Variants in PARD6G observed in about 807,000 individuals in gnomAD.
The protein encoded by PARD6G is par-6 family cell polarity regulator gamma, also known as partitioning defective 6 homolog gamma.
A neutral mutation model predicts 10.7 loss-of-function variants in PARD6G; 7 were observed. The observed-to-expected ratio is 0.66, with a 90% confidence interval of 0.37 to 1.23. The LOEUF is 1.23. Among genes scored for constraint, PARD6G ranks in the 50% most tolerant of loss-of-function variants. The pLI, the probability that PARD6G is intolerant of heterozygous loss-of-function variation, is 0.02. For missense variants in PARD6G, 548 were observed against 571.8 expected (o/e 0.96, Z 0.42); for synonymous variants, 287 against 269.4 (o/e 1.07, Z -0.64).
At chr18:80,217,236 C>T (rs1400844617) in intron 1 of PARD6G, among the ~76,000 whole-genome samples, 2 of 152,118 alleles carry the variant, frequency 1.3e-5, no homozygotes, top group African/African-American at 4.8e-5. Context: ...AAATAAAATC[C>T]ATGACTCCAC....
chr18:80,227,776 G>A (rs1029450732), intron 1 of PARD6G, among the ~76,000 whole-genome samples: 8 of 152,118 alleles, frequency 5.3e-5, no homozygotes, highest in Non-Finnish European at 1.0e-4. Context: ...CCCTTCAGCA[G>A]AACAGACCCC....
At chr18:80,215,909 A>G (rs898449398) in intron 1 of PARD6G, among the ~76,000 whole-genome samples, 9 of 152,108 alleles carry the variant, frequency 5.9e-5, no homozygotes, top group Admixed American at 5.2e-4. Flanking sequence ...AGGGAAACAA[A>G]TAGGTTGAAA....
intron 1 of PARD6G, among the ~76,000 whole-genome samples, chr18:80,243,399 C>T (rs1519619): frequency 6.6e-6 from 1 of 152,034 alleles, no homozygotes; most frequent in Non-Finnish European, 1.5e-5. Flanking sequence ...ATCATACAGG[C>T]ACACAAAAGA....
At chr18:80,218,125 G>T (rs1160922245) in intron 1 of PARD6G, among the ~76,000 whole-genome samples, 1 of 151,984 alleles carries the variant, frequency 6.6e-6, no homozygotes, top group Admixed American at 6.6e-5. Context: ...ATTCCACCCT[G>T]GCCCCTCCAA....
chr18:80,174,560 A>C (rs2052796593), intron 2 of PARD6G, among the ~76,000 whole-genome samples: 2 of 152,188 alleles, frequency 1.3e-5, no homozygotes, highest in Admixed American at 1.3e-4. Flanking sequence ...CATTTAGTTC[A>C]CACTCAGGGG....
Position 80,202,869 on chromosome 18 carries a change from A to G in PARD6G, c.136T>C (p.Tyr46His), listed in dbSNP as rs2145281017. 1 of 1,607,560 alleles carries G rather than the reference A, an allele frequency of 6.2e-7. No individual in the cohort carries two copies. Among genetic ancestry groups the G allele is most frequent in the East Asian group, 2.3e-5 (1 of 44,430 alleles). The change falls in exon 2 of 3, where the codon TAC (tyrosine) becomes CAC (histidine). Residue 46 changes from tyrosine (Y) to histidine (H), a missense_variant. Physicochemically the swap from Tyr to His is moderately conservative, Grantham distance 83. Around this residue, in one of 2 missense-constraint regions of PARD6G, gnomAD observed 235 missense variants for 291.9 expected, o/e 0.81. Coordinates refer to ENST00000353265, the MANE Select transcript of PARD6G (RefSeq NM_032510.4). ...TGGTGGGTGTGCACAACCAGCTTGT[A>G]GAAATCTTCAAACTTCCCAGGCTTA... Reference protein sequence around the residue: ...RHKPGKFEDFYKLVVHTHHIS... With the variant: ...RHKPGKFEDFHKLVVHTHHIS...
chr18:80,194,065 G>T (rs1403231108), intron 2 of PARD6G, among the ~76,000 whole-genome samples: 1 of 152,088 alleles, frequency 6.6e-6, no homozygotes, highest in Non-Finnish European at 1.5e-5. Flanking sequence ...TTACGTTTCT[G>T]GAAAAGAAAA....
At chr18:80,243,496 G>A (rs1967510855) in intron 1 of PARD6G, among the ~76,000 whole-genome samples, 1 of 152,168 alleles carries the variant, frequency 6.6e-6, no homozygotes, top group Non-Finnish European at 1.5e-5. Flanking sequence ...GTGCTTGGCT[G>A]TGGTTTCTAA....
chr18:80,214,426 A>G (rs1967141071), intron 1 of PARD6G, among the ~76,000 whole-genome samples: 1 of 152,168 alleles, frequency 6.6e-6, no homozygotes, highest in South Asian at 2.1e-4. Flanking sequence ...AGATCACACT[A>G]CTGTACTTCA....
intron 2 of PARD6G, among the ~76,000 whole-genome samples, chr18:80,164,797 C>T (rs1387375685): frequency 6.6e-6 from 1 of 152,178 alleles, no homozygotes; most frequent in Non-Finnish European, 1.5e-5. Flanking sequence ...GAGCCTCAAA[C>T]CAGCAGGTTT....
Position 80,228,803 on chromosome 18 carries a change from T to C in PARD6G, c.72+18474A>G, listed in dbSNP as rs1967326078. Reference sequence around the variant, plus strand: ...GGTGAGAACAGTGAACAACTGCAGGTGATCAGAAACAGAGACAGATTCCCA... The same window carrying C: ...GGTGAGAACAGTGAACAACTGCAGGCGATCAGAAACAGAGACAGATTCCCA... On this transcript the variant is annotated intron_variant, in intron 1 of 2. Coordinates refer to ENST00000353265, the MANE Select transcript of PARD6G (RefSeq NM_032510.4). The surrounding 1 kb of genome is among the most constrained non-coding windows in gnomAD (Gnocchi z 4.6). Among the ~76,000 whole-genome samples the C allele has an allele frequency of 2.0e-5, 3 of 152,066 alleles. No homozygotes were observed.
rs746042157 is a variant in PARD6G, at chr18:80,160,092, C to G, written c.810G>C (p.Ser270=). The change falls in exon 3 of 3, where the codon TCG becomes TCC. Residue 270 remains serine (S), a synonymous_variant. Coordinates refer to ENST00000353265, the MANE Select transcript of PARD6G (RefSeq NM_032510.4). ...GRALGSSGPP[S]DGTAGFVGPP... ...GACCCACGAAGCCCGCGGTGCCGTC[C>G]GAGGGCGGTCCCGAGCTGCCCAACG... 6.2e-7 allele frequency: 1 copy of G among 1,600,438 alleles called. No individual in the cohort carries two copies. The highest frequency in any genetic ancestry group is 8.5e-7 in the Non-Finnish European group (1 of 1,174,072).
intron 1 of PARD6G, among the ~76,000 whole-genome samples, chr18:80,236,497 G>T (rs573620067): frequency 3.9e-5 from 6 of 152,216 alleles, no homozygotes; most frequent in African/African-American, 1.2e-4. Context: ...GGAAGTTCTG[G>T]CCAGGACAAT....
intron 2 of PARD6G, among the ~76,000 whole-genome samples, chr18:80,165,755 C>G (rs1457252478): frequency 6.6e-6 from 1 of 152,172 alleles, no homozygotes; most frequent in Non-Finnish European, 1.5e-5. Context: ...TGGTGTTGAA[C>G]TGTTAACCTC....
intron 1 of PARD6G, among the ~76,000 whole-genome samples, chr18:80,237,098 TA>T (rs1413920122): frequency 3.9e-5 from 6 of 152,046 alleles, no homozygotes; most frequent in Admixed American, 2.6e-4. Flanking sequence ...GACTTCAAAC[TA>T]CACTACAAGG....
chr18:80,163,205 G>T (rs145666653), intron 2 of PARD6G, among the ~76,000 whole-genome samples: 4 of 152,178 alleles, frequency 2.6e-5, no homozygotes, highest in Non-Finnish European at 4.4e-5. Flanking sequence ...TTGAGGACAG[G>T]CCCTATGCTC....
intron 1 of PARD6G, among the ~76,000 whole-genome samples, chr18:80,230,543 C>T (rs563042611): frequency 8.5e-5 from 13 of 152,296 alleles, no homozygotes; most frequent in African/African-American, 3.1e-4. Context: ...GATGATGGTG[C>T]AGCCGTTGGC....
chr18:80,231,153 G>T lies in PARD6G; in HGVS notation c.72+16124C>A, dbSNP rs1416145937. ...AGGATGGCCCATCAGCAAGGGAGTGGGATGAACGGGCCAGGGTTACTCCAG... is the reference window on the plus strand; with the variant it reads ...AGGATGGCCCATCAGCAAGGGAGTGTGATGAACGGGCCAGGGTTACTCCAG... On this transcript the variant is annotated intron_variant, in intron 1 of 2. Transcript: ENST00000353265. The surrounding 1 kb of genome is among the most constrained non-coding windows in gnomAD (Gnocchi z 4.2). Among the ~76,000 whole-genome samples the T allele has an allele frequency of 6.6e-6, 1 of 152,178 alleles. No individual in the cohort carries two copies. Among genetic ancestry groups the T allele is most frequent in the Non-Finnish European group, 1.5e-5 (1 of 68,028 alleles).
At position 80,247,270 on chromosome 18, in the gene PARD6G, G is replaced by T. The variant is rs771941417; in HGVS notation, c.72+7C>A. ...CGCAGGGCCGCCGGGGCGGGCGGGG[G>T]GCTTACCTTGCTCTTGACTTCCACT... On this transcript the variant is annotated splice_region_variant and intron_variant, in intron 1 of 2. Coordinates refer to ENST00000353265, the MANE Select transcript of PARD6G (RefSeq NM_032510.4). The surrounding 1 kb of genome is among the most constrained non-coding windows in gnomAD (Gnocchi z 4.2). The T allele has an allele frequency of 5.7e-6, 9 of 1,574,782 alleles. No homozygotes were observed. Among genetic ancestry groups the T allele is most frequent in the Non-Finnish European group, 7.8e-6 (9 of 1,161,080 alleles).
Sources: gnomAD v4.1 joint callset for allele counts (sites outside exome capture counted in the v4.1 genomes callset) on GRCh38, gnomAD v4.1.1 for gene constraint, gnomAD v4.1.1 regional missense constraint, Gnocchi (gnomAD v3.1) non-coding constraint, MANE v1.5 for transcripts, NCBI Gene and HGNC (gene_info 2026-07-23, HGNC 2026-07-21) for gene names.